POFUT3: variants seen among roughly 807,000 people sequenced by gnomAD.
POFUT3 encodes the protein protein O-fucosyltransferase 3.
the POFUT3 span, among the ~76,000 whole-genome samples, chr8:33,357,526 G>GTATACATATATGTGTGTATATATA: frequency 6.6e-6 from 1 of 150,400 alleles, no homozygotes; most frequent in African/African-American, 2.5e-5. Context: ...GTGTGTGTGT[G>GTATACATATATGTGTGTATATATA]TATACATATA....
At chr8:33,378,128 T>C in the POFUT3 span, among the ~76,000 whole-genome samples, 628 of 152,140 alleles carry the variant, frequency 4.1e-3, 3 homozygotes, top group Middle Eastern at 6.8e-3. Context: ...AAAAGGAAGA[T>C]TGGGGGCAGC....
the POFUT3 span, among the ~76,000 whole-genome samples, chr8:33,380,490 G>A: frequency 6.6e-6 from 1 of 151,338 alleles, no homozygotes; most frequent in African/African-American, 2.4e-5. Context: ...TAGAAAACAT[G>A]AGACAACTAA....
At chr8:33,379,155 T>C in the POFUT3 span, among the ~76,000 whole-genome samples, 1 of 152,084 alleles carries the variant, frequency 6.6e-6, no homozygotes, top group African/African-American at 2.4e-5. Context: ...TTCGCCATGA[T>C]TGTAAGTTTC....
the POFUT3 span, among the ~76,000 whole-genome samples, chr8:33,435,535 G>GAGAC: frequency 6.8e-6 from 1 of 146,428 alleles, no homozygotes; most frequent in African/African-American, 2.5e-5. Context: ...TTCTTTTTCT[G>GAGAC]AGACAGAGTC....
At chr8:33,469,306 G>A in the POFUT3 span, among the ~76,000 whole-genome samples, 1 of 151,836 alleles carries the variant, frequency 6.6e-6, no homozygotes, top group Non-Finnish European at 1.5e-5. Context: ...ACTCTGTCTC[G>A]AAAAAAAAGC....
the POFUT3 span, among the ~76,000 whole-genome samples, chr8:33,467,352 G>A: frequency 1.8e-3 from 276 of 151,406 alleles, 2 homozygotes; most frequent in African/African-American, 6.3e-3. Flanking sequence ...AACTGAAGGC[G>A]ATGCCATTCT....
the POFUT3 span, among the ~76,000 whole-genome samples, chr8:33,373,682 A>G: frequency 6.6e-6 from 1 of 152,196 alleles, no homozygotes; most frequent in South Asian, 2.1e-4. Context: ...AAGAAAAAGA[A>G]AAGTAAAAGA....
chr8:33,358,075 C>A, the POFUT3 span, among the ~76,000 whole-genome samples: 1 of 152,054 alleles, frequency 6.6e-6, no homozygotes, highest in Non-Finnish European at 1.5e-5. Flanking sequence ...GGCAAAACCT[C>A]ATCTCTCTAT....
the POFUT3 span, among the ~76,000 whole-genome samples, chr8:33,366,108 G>T: frequency 3.5e-3 from 538 of 152,256 alleles, 8 homozygotes; most frequent in African/African-American, 0.012. Flanking sequence ...TCCTTTGCAG[G>T]GACATGGACA....
chr8:33,467,314 G>T, the POFUT3 span, among the ~76,000 whole-genome samples: 1 of 146,768 alleles, frequency 6.8e-6, no homozygotes, highest in African/African-American at 2.5e-5. Context: ...ATTAATCAAG[G>T]TGTGGCCAGA....
the POFUT3 span, among the ~76,000 whole-genome samples, chr8:33,430,522 C>T: frequency 6.6e-6 from 1 of 152,142 alleles, no homozygotes; most frequent in African/African-American, 2.4e-5. Context: ...AAGCCAATCA[C>T]GTGTCAAAGA....
chr8:33,368,129 C>G, the POFUT3 span, among the ~76,000 whole-genome samples: 1 of 152,080 alleles, frequency 6.6e-6, no homozygotes, highest in Admixed American at 6.6e-5. Flanking sequence ...TGTCACTGTT[C>G]CAGGAGGATA....
At chr8:33,328,802 A>G in the POFUT3 span, among the ~76,000 whole-genome samples, 6 of 152,166 alleles carry the variant, frequency 3.9e-5, no homozygotes, top group Non-Finnish European at 8.8e-5. Context: ...CCAAATCTGT[A>G]AAGGCAAAAG....
At chr8:33,339,801 AC>A in the POFUT3 span, among the ~76,000 whole-genome samples, 9 of 152,328 alleles carry the variant, frequency 5.9e-5, 1 homozygote, top group South Asian at 1.7e-3. Context: ...AGAACTATCA[AC>A]CCAGAATCCT....
At chr8:33,422,410 T>TG in the POFUT3 span, among the ~76,000 whole-genome samples, 8 of 151,376 alleles carry the variant, frequency 5.3e-5, no homozygotes, top group East Asian at 9.7e-4. Context: ...GGTGTGGTGG[T>TG]GGGGGGTGCC....
the POFUT3 span, among the ~76,000 whole-genome samples, chr8:33,339,332 A>G: frequency 4.6e-5 from 7 of 152,188 alleles, no homozygotes; most frequent in African/African-American, 1.7e-4. Context: ...ATGGACGGGA[A>G]AGAGGAAAGA....
chr8:33,338,152 A>G, the POFUT3 span, among the ~76,000 whole-genome samples: 2 of 152,196 alleles, frequency 1.3e-5, no homozygotes, highest in Non-Finnish European at 2.9e-5. Context: ...ATCTCCAAAT[A>G]TAGTCACATT....
the POFUT3 span, among the ~76,000 whole-genome samples, chr8:33,468,432 A>T: frequency 6.6e-6 from 1 of 151,758 alleles, no homozygotes; most frequent in East Asian, 1.9e-4. Context: ...TACCAAGGAG[A>T]GTTTTTAGAA....
chr8:33,466,272 T>C, the POFUT3 span, among the ~76,000 whole-genome samples: 1 of 151,946 alleles, frequency 6.6e-6, no homozygotes, highest in East Asian at 1.9e-4. Flanking sequence ...TTTTTTTTAA[T>C]TTAAAAATTA....
Sources: allele counts gnomAD v4.1 joint callset (sites outside exome capture counted in the v4.1 genomes callset), GRCh38; gene constraint gnomAD v4.1.1; transcripts MANE v1.5; gene names NCBI Gene and HGNC (gene_info 2026-07-23, HGNC 2026-07-21).